Variants in FBXW7 observed in about 807,000 individuals in gnomAD.
The protein encoded by FBXW7 is F-box and WD repeat domain containing 7.
A neutral mutation model predicts 86.3 loss-of-function variants in FBXW7; 11 were observed. That is an observed-to-expected ratio of 0.13 (90% CI 0.08 to 0.21). FBXW7 has a LOEUF of 0.21. FBXW7 is among the 10% of genes least tolerant of loss of function. The pLI, the probability that FBXW7 is intolerant of heterozygous loss-of-function variation, is 1.00. For missense variants in FBXW7, 488 were observed against 847.4 expected (o/e 0.58, Z 5.27); for synonymous variants, 313 against 297.9 (o/e 1.05, Z -0.52).
intron 10 of FBXW7, among the ~76,000 whole-genome samples, 175 bp downstream of exon 10, chr4:152,329,497 C>T (rs997527918): frequency 1.3e-5 from 2 of 151,856 alleles, no homozygotes; most frequent in Non-Finnish European, 2.9e-5. Flanking sequence ...CATCACTATC[C>T]TCATGCCATT....
intron 2 of FBXW7, among the ~76,000 whole-genome samples, chr4:152,445,194 C>A (rs886136081): frequency 5.9e-5 from 9 of 152,042 alleles, no homozygotes; most frequent in African/African-American, 2.2e-4. Flanking sequence ...ATTTTTCCTA[C>A]GAATTATTGC....
chr4:152,408,139 A>AGT (rs1737591893), intron 4 of FBXW7, among the ~76,000 whole-genome samples: 1 of 152,252 alleles, frequency 6.6e-6, no homozygotes, highest in African/African-American at 2.4e-5. Flanking sequence ...TGAGAAGAGA[A>AGT]CAGGTGGAAG....
At chr4:152,479,783 A>G (rs763175078) in intron 2 of FBXW7, among the ~76,000 whole-genome samples, 1 of 152,134 alleles carries the variant, frequency 6.6e-6, no homozygotes, top group Non-Finnish European at 1.5e-5. Flanking sequence ...CTATAGATCT[A>G]TTGCAAAGGC....
chr4:152,383,820 C>T (rs75212151), intron 4 of FBXW7, among the ~76,000 whole-genome samples: 1 of 152,064 alleles, frequency 6.6e-6, no homozygotes, highest in Non-Finnish European at 1.5e-5. Flanking sequence ...TTCTCTTATA[C>T]CACAATTTAA....
rs1166084448 is a variant in FBXW7, at chr4:152,411,305, T to C, written c.499A>G (p.Lys167Glu). The change falls in exon 4 of 14, where the codon AAA becomes GAA. Residue 167 changes from lysine to glutamate, a missense_variant and splice_region_variant. By Grantham distance (56) the Lys-to-Glu change is moderately conservative (BLOSUM62 1). This residue lies in a region of FBXW7 where 230 missense variants were observed against 240.0 expected (regional missense o/e 0.96). Transcript: ENST00000281708. Reference sequence around the variant, plus strand: ...AACAATATATTGAATATACTCACTTTTGTTGTTTTTGTATAGAATGGGGAG... The same window carrying C: ...AACAATATATTGAATATACTCACTTCTGTTGTTTTTGTATAGAATGGGGAG... ...LSSPFYTKTT[K>E]MKRKLDHGSE... 6.9e-6 allele frequency: 11 copies of C among 1,591,988 alleles called. No homozygotes were observed. The highest frequency in any genetic ancestry group is 9.4e-6 in the Non-Finnish European group (11 of 1,168,538).
chr4:152,378,238 TTTTTA>T (rs1340101939), intron 4 of FBXW7, among the ~76,000 whole-genome samples: 2 of 152,360 alleles, frequency 1.3e-5, no homozygotes, highest in Non-Finnish European at 2.9e-5. Context: ...TTTATTTCTA[TTTTTA>T]TTTTAAAGAA....
At chr4:152,512,230 G>A (rs1281081377) in intron 2 of FBXW7, among the ~76,000 whole-genome samples, 1 of 152,020 alleles carries the variant, frequency 6.6e-6, no homozygotes, top group Non-Finnish European at 1.5e-5. Context: ...CAGATGACAA[G>A]GTTATCTATA....
intron 4 of FBXW7, among the ~76,000 whole-genome samples, chr4:152,396,342 T>C (rs1259650462): frequency 6.6e-6 from 1 of 152,040 alleles, no homozygotes; most frequent in Non-Finnish European, 1.5e-5. Context: ...AATGAATATA[T>C]GCATTTAGCA....
At chr4:152,326,333 GC>G (rs1729014623) in intron 11 of FBXW7, 102 bp from the exon 12 acceptor site, 4 of 644,254 alleles carry the variant, frequency 6.2e-6, no homozygotes, top group Non-Finnish European at 7.4e-6. Context: ...AGGTTTTTTA[GC>G]TTTTTTTTTT....
chr4:152,515,966 G>A (rs1229176598), intron 2 of FBXW7, among the ~76,000 whole-genome samples: 1 of 152,158 alleles, frequency 6.6e-6, no homozygotes, highest in African/African-American at 2.4e-5. Context: ...GCTCAAAGTG[G>A]TCCCTGGCTG....
chr4:152,481,485 T>C (rs1000430505), intron 2 of FBXW7, among the ~76,000 whole-genome samples: 2 of 152,182 alleles, frequency 1.3e-5, no homozygotes, highest in Admixed American at 6.5e-5. Flanking sequence ...CCTTTTGACT[T>C]TCAAATCTTA....
chr4:152,516,205 T>G (rs1463485089), intron 2 of FBXW7, among the ~76,000 whole-genome samples: 1 of 152,226 alleles, frequency 6.6e-6, no homozygotes, highest in East Asian at 1.9e-4. Flanking sequence ...GTTAATTTGC[T>G]GTAGAGCAGG....
chr4:152,329,685 G>A lies in FBXW7; in HGVS notation c.1223C>T (p.Ala408Val), dbSNP rs2126524789. 1 of 1,572,116 alleles carries A rather than the reference G, an allele frequency of 6.4e-7. No homozygotes were observed. The highest frequency in any genetic ancestry group is 8.6e-7 in the Non-Finnish European group (1 of 1,161,426). Reference sequence around the variant, plus strand: ...GAGTAAACTTACTTTGCCTGTGACTGCTGACCAAACTTTTAAAGTGTTGTC... The same window carrying A: ...GAGTAAACTTACTTTGCCTGTGACTACTGACCAAACTTTTAAAGTGTTGTC... ...SDDNTLKVWS[A>V]VTGKCLRTLV... Residue 408 changes from alanine to valine, a missense_variant, in exon 10 of 14, where the codon GCA becomes GTA. Around this residue, in one of 4 missense-constraint regions of FBXW7, gnomAD observed 142 missense variants for 406.6 expected, o/e 0.35. Coordinates refer to ENST00000281708, the MANE Select transcript of FBXW7 (RefSeq NM_001349798.2).
chr4:152,330,235 G>T (rs1486320426), intron 9 of FBXW7, among the ~76,000 whole-genome samples: 2 of 151,694 alleles, frequency 1.3e-5, no homozygotes, highest in African/African-American at 2.4e-5. Flanking sequence ...CCCCAAATTG[G>T]TTTTTTCCAG....
At chr4:152,329,261 G>C (rs947193293) in intron 10 of FBXW7, among the ~76,000 whole-genome samples, 2 of 151,676 alleles carry the variant, frequency 1.3e-5, no homozygotes, top group East Asian at 3.9e-4. Flanking sequence ...CTAAACTACA[G>C]GTAGGTTATC....
At chr4:152,518,567 G>A (rs1388281812) in intron 2 of FBXW7, among the ~76,000 whole-genome samples, 3 of 152,148 alleles carry the variant, frequency 2.0e-5, no homozygotes, top group Non-Finnish European at 4.4e-5. Context: ...GAGTAACTGG[G>A]ATTATAGGCA....
chr4:152,413,807 C>T (rs1738194414), intron 2 of FBXW7, among the ~76,000 whole-genome samples: 1 of 152,030 alleles, frequency 6.6e-6, no homozygotes. Context: ...GACCAGAACC[C>T]ACAGTAAAAT....
At chr4:152,362,983 A>C (rs949681266) in intron 4 of FBXW7, among the ~76,000 whole-genome samples, 7 of 152,174 alleles carry the variant, frequency 4.6e-5, no homozygotes, top group Admixed American at 1.3e-4. Flanking sequence ...ACTTTTATTA[A>C]ACCATTGCAA....
chr4:152,403,238 G>A (rs1277564339), intron 4 of FBXW7, among the ~76,000 whole-genome samples: 2 of 152,174 alleles, frequency 1.3e-5, no homozygotes, highest in African/African-American at 4.8e-5. Flanking sequence ...AGCACTTTGA[G>A]AGGCCAAGGC....
Sources: gnomAD v4.1 joint callset for allele counts (sites outside exome capture counted in the v4.1 genomes callset) on GRCh38, gnomAD v4.1.1 for gene constraint, gnomAD v4.1.1 regional missense constraint, MANE v1.5 for transcripts, NCBI Gene and HGNC (gene_info 2026-07-23, HGNC 2026-07-21) for gene names.